The following PITPNM3 variants were observed in gnomAD, a reference collection of about 807,000 sequenced individuals.
The protein encoded by PITPNM3 is membrane-associated phosphatidylinositol transfer protein 3.
Under a neutral mutation model 102.0 loss-of-function variants are expected in PITPNM3, and 26 were observed. The ratio of observed to expected loss-of-function variants is 0.25; its 90% confidence interval spans 0.19 to 0.35. The LOEUF (loss-of-function observed/expected upper bound fraction) is 0.35, where lower values mean the gene tolerates loss of function less well. Among genes scored for constraint, PITPNM3 ranks in the 10% least tolerant of loss-of-function variants. The pLI is 1.00. For synonymous variants in PITPNM3, 578 were observed against 558.6 expected, an observed-to-expected ratio of 1.03 and a Z score of -0.49; for missense variants, 1,083 against 1,346.1, an observed-to-expected ratio of 0.80 and a Z score of 3.06.
chr17:6,496,784 A>G (rs959981611), intron 4 of PITPNM3, among the ~76,000 whole-genome samples: 6 of 152,256 alleles, frequency 3.9e-5, no homozygotes, highest in South Asian at 4.1e-4. Context: ...TTGCACCCCT[A>G]TAAGTGTCGG....
In PITPNM3 at chr17:6,478,577, C is replaced by T. The variant is rs371282530; in HGVS notation, c.747G>A (p.Lys249=). The part of the protein sequence containing the change: ...RANQVYREFL[K]SSDGIGFSGQ... The stretch of plus-strand genomic sequence containing the variant: ...CACTGAAGCCAATCCCATCAGAGGA[C>T]TTCAGGAACTCTCTGTAGACCTGGT... Residue 249 remains lysine, a synonymous_variant, in exon 7 of 20, where the codon AAG becomes AAA. Transcript: ENST00000262483. The surrounding 1 kb of genome is among the most constrained non-coding windows in gnomAD (Gnocchi z 4.4). The T allele has an allele frequency of 7.6e-5, 123 of 1,613,992 alleles. No homozygotes were observed. The highest frequency in any genetic ancestry group is 3.3e-4 in the Middle Eastern group (2 of 6,082).
chr17:6,457,712 T>C lies in PITPNM3; in HGVS notation c.2501A>G (p.Lys834Arg). The C allele has an allele frequency of 6.3e-7, 1 of 1,587,812 alleles. No homozygotes were observed. The highest frequency in any genetic ancestry group is 2.3e-5 in the East Asian group (1 of 43,812). ...CGTGGAGCCATAGGCCGCACTGATTTTGATGAAGCACTGAAACACAGGGCA... is the reference window on the plus strand; with the variant it reads ...CGTGGAGCCATAGGCCGCACTGATTCTGATGAAGCACTGAAACACAGGGCA... ...LRNLMQECFI[K>R]ISAAYGSTKD... is the part of the protein sequence containing the mutation. Residue 834 changes from lysine to arginine, a missense_variant, in exon 19 of 20, where the codon AAA becomes AGA. Transcript: ENST00000262483. This position sits in a 1 kb window ranked among gnomAD's most constrained non-coding sequence, Gnocchi z 4.7.
rs1006862070 is a variant in PITPNM3 at position 6,484,282 on chromosome 17, G to A, written c.285C>T (p.Tyr95=). The A allele has an allele frequency of 6.2e-7, 1 of 1,607,100 alleles. No individual in the cohort carries two copies. The highest frequency in any genetic ancestry group is 2.2e-5 in the East Asian group (1 of 44,838). ...ACCTCTGTCTTCTCAAGGAAACCCG[G>A]TACAGTTCTCCTGCAGAGGGAAAGA... ...SILQEKQREL[Y]RVSLRRQRFP... The change falls in exon 5 of 20, where the codon TAC becomes TAT. Residue 95 remains tyrosine, a synonymous_variant. Coordinates refer to ENST00000262483, the MANE Select transcript of PITPNM3 (RefSeq NM_031220.4).
chr17:6,526,797 T>C (rs1446423584), intron 2 of PITPNM3, among the ~76,000 whole-genome samples: 1 of 152,096 alleles, frequency 6.6e-6, no homozygotes, highest in Admixed American at 6.5e-5. Context: ...AGGCACAGAG[T>C]AGCTGAGTAA....
At chr17:6,551,664 C>T (rs901798168) in intron 1 of PITPNM3, among the ~76,000 whole-genome samples, 2 of 152,056 alleles carry the variant, frequency 1.3e-5, no homozygotes, top group African/African-American at 4.8e-5. Context: ...TTACTTGAGG[C>T]CCAGAGTTTG....
chr17:6,453,343 G>A lies in PITPNM3; in HGVS notation c.*1995C>T, dbSNP rs1913949552. ...CCAAGTTTAAATCAGGATATTTGGG[G>A]GAAGGATTAGGGTTGGGGTGGCTAT... On this transcript the variant is annotated 3_prime_UTR_variant, in exon 20 of 20. Coordinates refer to ENST00000262483, the MANE Select transcript of PITPNM3 (RefSeq NM_031220.4). The A allele has an allele frequency of 6.6e-6, 1 of 152,264 alleles. No individual in the cohort carries two copies. The highest frequency in any genetic ancestry group is 2.4e-5 in the African/African-American group (1 of 41,430). 9.4% of individuals were successfully genotyped at this position (152,264 alleles called of 1,614,324 possible). A position where few individuals can be genotyped will look rare whatever the true frequency, so the allele number is the denominator to read the frequency against.
At chr17:6,530,898 G>C (rs1425888293) in intron 2 of PITPNM3, among the ~76,000 whole-genome samples, 2 of 152,166 alleles carry the variant, frequency 1.3e-5, no homozygotes, top group East Asian at 3.9e-4. Flanking sequence ...CAAGGCCATG[G>C]GGAGCCTCAT....
At chr17:6,487,187 C>A (rs1287008155) in intron 4 of PITPNM3, among the ~76,000 whole-genome samples, 1 of 151,214 alleles carries the variant, frequency 6.6e-6, no homozygotes, top group Non-Finnish European at 1.5e-5. Flanking sequence ...AGCCACGGAC[C>A]CTGGATCCAG....
intron 1 of PITPNM3, among the ~76,000 whole-genome samples, chr17:6,545,401 T>A (rs1909969013): frequency 6.6e-6 from 1 of 152,010 alleles, no homozygotes; most frequent in Non-Finnish European, 1.5e-5. Context: ...GCCTCGCCAC[T>A]CCCCAAAGGC....
In PITPNM3 at chr17:6,456,348, T is replaced by C. The variant is rs113681525; in HGVS notation, c.2620-705A>G. On this transcript the variant is annotated intron_variant, in intron 19 of 19. Transcript: ENST00000262483. Reference sequence around the variant, plus strand: ...CTTGAGGGTGGGGAAGCGCCCATCCTTGTCACTTGGCTCACTAGAATCCTG... The same window carrying C: ...CTTGAGGGTGGGGAAGCGCCCATCCCTGTCACTTGGCTCACTAGAATCCTG... Among the ~76,000 whole-genome samples the C allele has an allele frequency of 6.4e-3, 977 of 152,252 alleles. 11 individuals carry two copies. Among genetic ancestry groups the C allele is most frequent in the African/African-American group, 0.022 (920 of 41,544 alleles).
In PITPNM3 at chr17:6,452,170, C is replaced by T. The variant is rs1913877888; in HGVS notation, c.*3168G>A. The stretch of plus-strand genomic sequence containing the variant: ...TAGCCCAGCACCCAGACAAGAGGGC[C>T]GTTCATCCCAATGCATGAAAGGAGT... On this transcript the variant is annotated 3_prime_UTR_variant, in exon 20 of 20. Transcript: ENST00000262483. 3 of 152,138 alleles carry T rather than the reference C, an allele frequency of 2.0e-5. No individual in the cohort carries two copies. Among genetic ancestry groups the T allele is most frequent in the South Asian group, 4.1e-4 (2 of 4,822 alleles). The allele number at this position is 152,138 out of a possible 1,614,324, so 9.4% of individuals were successfully genotyped here. A position where few individuals can be genotyped will look rare whatever the true frequency, so the allele number is the denominator to read the frequency against.
At chr17:6,504,504 T>C (rs1015683603) in intron 3 of PITPNM3, among the ~76,000 whole-genome samples, 2 of 152,206 alleles carry the variant, frequency 1.3e-5, no homozygotes, top group African/African-American at 4.8e-5. Flanking sequence ...CCTGGGGTCA[T>C]GGCCCCCGGG....
intron 3 of PITPNM3, among the ~76,000 whole-genome samples, chr17:6,515,036 A>G (rs1284093720): frequency 6.6e-6 from 1 of 152,186 alleles, no homozygotes; most frequent in Non-Finnish European, 1.5e-5. Flanking sequence ...ATGAAATACC[A>G]GGGGCTGGGA....
At position 6,459,781 on chromosome 17, in the gene PITPNM3, G is replaced by C. The variant is rs908812812; in HGVS notation, c.2490+1592C>G. Among the ~76,000 whole-genome samples, 1 of 152,088 alleles carries C rather than the reference G, an allele frequency of 6.6e-6. No individual in the cohort carries two copies. On this transcript the variant is annotated intron_variant, in intron 18 of 19. Transcript: ENST00000262483. The surrounding 1 kb of genome is among the most constrained non-coding windows in gnomAD (Gnocchi z 5.0). ...GGTGTGTAGCACCTGGATCCCTCCTGGTCACCCAGCACGGGCATCTTAGAA... is the reference window on the plus strand; with the variant it reads ...GGTGTGTAGCACCTGGATCCCTCCTCGTCACCCAGCACGGGCATCTTAGAA...
At chr17:6,553,224 T>G (rs1259758703) in intron 1 of PITPNM3, among the ~76,000 whole-genome samples, 1 of 151,998 alleles carries the variant, frequency 6.6e-6, no homozygotes, top group Non-Finnish European at 1.5e-5. Flanking sequence ...AGCTTCTGAA[T>G]CCTCCCCACC....
chr17:6,506,252 A>T (rs1449040881), intron 3 of PITPNM3, among the ~76,000 whole-genome samples: 1 of 152,154 alleles, frequency 6.6e-6, no homozygotes, highest in African/African-American at 2.4e-5. Context: ...GAAAAAAAAA[A>T]TGTTGCTAAA....
At chr17:6,516,289 C>T (rs531692828) in intron 3 of PITPNM3, among the ~76,000 whole-genome samples, 7 of 152,248 alleles carry the variant, frequency 4.6e-5, no homozygotes, top group Admixed American at 6.5e-5. Flanking sequence ...CTTGGCCGGG[C>T]GCCGTGGCTC....
At chr17:6,519,397 G>A (rs1402257876) in intron 3 of PITPNM3, among the ~76,000 whole-genome samples, 3 of 148,954 alleles carry the variant, frequency 2.0e-5, no homozygotes, top group Middle Eastern at 3.4e-3. Flanking sequence ...GCGGGCAGCT[G>A]TAGTCCCAGC....
chr17:6,552,848 G>T (rs1429945012), intron 1 of PITPNM3, among the ~76,000 whole-genome samples: 3 of 144,488 alleles, frequency 2.1e-5, no homozygotes, highest in African/African-American at 7.7e-5. Context: ...CTCACTGCAA[G>T]CTCTGACTCC....
Sources: gnomAD v4.1 joint callset for allele counts (sites outside exome capture counted in the v4.1 genomes callset) on GRCh38, gnomAD v4.1.1 for gene constraint, Gnocchi (gnomAD v3.1) non-coding constraint, MANE v1.5 for transcripts, NCBI Gene and HGNC (gene_info 2026-07-23, HGNC 2026-07-21) for gene names.